NRG1: variants seen among roughly 807,000 people sequenced by gnomAD.
NRG1 encodes the protein neuregulin 1.
A neutral mutation model predicts 63.8 loss-of-function variants in NRG1; 18 were observed. That is an observed-to-expected ratio of 0.28 (90% CI 0.19 to 0.42). NRG1 has a LOEUF of 0.42. Among genes scored for constraint, NRG1 ranks in the 10% least tolerant of loss-of-function variants. NRG1 has a pLI of 1.00. For synonymous variants in NRG1, 302 were observed against 301.3 expected (o/e 1.00, Z -0.02); for missense variants, 762 against 814.7 (o/e 0.94, Z 0.79).
chr8:32,220,187 A>G (rs2132473614), intron 1 of NRG1, among the ~76,000 whole-genome samples: 1 of 152,282 alleles, frequency 6.6e-6, no homozygotes, highest in East Asian at 1.9e-4. Flanking sequence ...GCAGTGGGAC[A>G]AGTTGCTCAA....
chr8:31,911,338 T>A (rs958507318), intron 1 of NRG1, among the ~76,000 whole-genome samples: 11 of 152,168 alleles, frequency 7.2e-5, no homozygotes, highest in African/African-American at 2.7e-4. Context: ...TCAATCTAAA[T>A]GCTCACCAAC....
chr8:31,641,781 C>T (rs1803815789), intron 1 of NRG1: 1 of 152,070 alleles, frequency 6.6e-6, no homozygotes, highest in Non-Finnish European at 1.5e-5. Flanking sequence ...ATGTATCCGT[C>T]TAATAGACGT....
intron 1 of NRG1, among the ~76,000 whole-genome samples, chr8:32,410,811 A>C (rs552600338): frequency 6.6e-6 from 1 of 152,212 alleles, no homozygotes; most frequent in East Asian, 1.9e-4. Context: ...CTGTTTAAGG[A>C]AATCTATATA....
chr8:32,305,993 T>C (rs1856148335), intron 1 of NRG1, among the ~76,000 whole-genome samples: 2 of 151,690 alleles, frequency 1.3e-5, no homozygotes, highest in African/African-American at 2.4e-5. Context: ...CAGAGAATGA[T>C]AGTTAAGAGT....
At chr8:32,762,300 T>A (rs562004697) in intron 11 of NRG1, among the ~76,000 whole-genome samples, 35 of 152,284 alleles carry the variant, frequency 2.3e-4, no homozygotes, top group Non-Finnish European at 4.0e-4. Context: ...AAGTTAGAGA[T>A]GAAATCATTC....
At chr8:32,683,277 T>A (rs1367693922) in intron 5 of NRG1, among the ~76,000 whole-genome samples, 1 of 152,196 alleles carries the variant, frequency 6.6e-6, no homozygotes, top group Non-Finnish European at 1.5e-5. Context: ...TGATGTAAAT[T>A]GCCATAAAGC....
chr8:31,972,406 A>C (rs1807445550), intron 1 of NRG1, among the ~76,000 whole-genome samples: 1 of 152,096 alleles, frequency 6.6e-6, no homozygotes, highest in African/African-American at 2.4e-5. Flanking sequence ...TGTCGACAGG[A>C]ATCTACTTTC....
intron 1 of NRG1, among the ~76,000 whole-genome samples, chr8:32,171,672 T>G (rs562995921): frequency 6.6e-6 from 1 of 152,296 alleles, no homozygotes; most frequent in South Asian, 2.1e-4. Flanking sequence ...TCCAAAGGTC[T>G]TAGCAAACGG....
intron 1 of NRG1, among the ~76,000 whole-genome samples, chr8:31,858,080 A>T (rs1329763259): frequency 6.6e-6 from 1 of 152,110 alleles, no homozygotes; most frequent in Non-Finnish European, 1.5e-5. Context: ...CGGGCAGATC[A>T]TGAGGTCAGG....
chr8:32,415,063 T>G (rs1475138951), intron 1 of NRG1, among the ~76,000 whole-genome samples: 1 of 152,138 alleles, frequency 6.6e-6, no homozygotes, highest in Non-Finnish European at 1.5e-5. Context: ...AAAACTCCAC[T>G]TTATTAGATC....
intron 1 of NRG1, among the ~76,000 whole-genome samples, chr8:31,892,209 A>G (rs918452617): frequency 6.6e-6 from 1 of 152,160 alleles, no homozygotes; most frequent in East Asian, 1.9e-4. Context: ...AGTCTCATTT[A>G]AAAATTTGAT....
chr8:32,562,289 C>T (rs957661824), intron 1 of NRG1, among the ~76,000 whole-genome samples: 6 of 152,154 alleles, frequency 3.9e-5, no homozygotes, highest in African/African-American at 1.4e-4. Flanking sequence ...GTTTGGTCGC[C>T]CAGGCTGGAG....
chr8:32,716,217 C>CT (rs2128993200), intron 5 of NRG1, among the ~76,000 whole-genome samples: 1 of 152,300 alleles, frequency 6.6e-6, no homozygotes, highest in Admixed American at 6.5e-5. Context: ...CAAATTCCTG[C>CT]TACACATATT....
At chr8:31,901,194 C>T (rs958228294) in intron 1 of NRG1, among the ~76,000 whole-genome samples, 1 of 152,040 alleles carries the variant, frequency 6.6e-6, no homozygotes, top group Non-Finnish European at 1.5e-5. Context: ...GAATGGAGAA[C>T]ATTTAGAGTT....
At chr8:32,355,015 T>C (rs1302019971) in intron 1 of NRG1, among the ~76,000 whole-genome samples, 1 of 151,872 alleles carries the variant, frequency 6.6e-6, no homozygotes, top group Non-Finnish European at 1.5e-5. Context: ...AAAGAAACTA[T>C]AGAAAAATAC....
At chr8:32,139,873 T>C (rs1836017592) in intron 1 of NRG1, among the ~76,000 whole-genome samples, 1 of 152,228 alleles carries the variant, frequency 6.6e-6, no homozygotes, top group South Asian at 2.1e-4. Context: ...ACTTTGGGGA[T>C]ACAAAGTAGC....
At chr8:32,752,429 G>A (rs924732727) in intron 7 of NRG1, among the ~76,000 whole-genome samples, 1 of 152,162 alleles carries the variant, frequency 6.6e-6, no homozygotes, top group African/African-American at 2.4e-5. Context: ...CAAAATCCGT[G>A]ATACCAACTC....
chr8:32,268,074 T>C (rs1463440462), intron 1 of NRG1, among the ~76,000 whole-genome samples: 2 of 152,150 alleles, frequency 1.3e-5, no homozygotes, highest in African/African-American at 4.8e-5. Flanking sequence ...TACTTCCTTA[T>C]TGACTTTGAG....
Position 32,517,812 on chromosome 8 carries a change from C to T in NRG1, c.38-78016C>T, listed in dbSNP as rs1302014995. Among the ~76,000 whole-genome samples the T allele has an allele frequency of 2.6e-5, 4 of 152,160 alleles. No homozygotes were observed. In the South Asian group the frequency reaches 8.3e-4, roughly 31 times the overall value. ...GACAAGATTTCTTTAATTTGCAGTA[C>T]TTTCCCACAATATTCATATGAGTTA... On this transcript the variant is annotated intron_variant, in intron 1 of 10. Transcript: ENST00000519301.
Sources: gnomAD v4.1 joint callset for allele counts (sites outside exome capture counted in the v4.1 genomes callset) on GRCh38, gnomAD v4.1.1 for gene constraint, MANE v1.5 for transcripts, NCBI Gene and HGNC (gene_info 2026-07-23, HGNC 2026-07-21) for gene names.